Variants in CSNK2A1 observed in about 807,000 individuals in gnomAD.
CSNK2A1 encodes casein kinase II subunit alpha.
A neutral mutation model predicts 62.9 loss-of-function variants in CSNK2A1; 10 were observed. The observed-to-expected ratio is 0.16, with a 90% CI of 0.10 to 0.27. CSNK2A1 has a LOEUF of 0.27. CSNK2A1 is among the 10% of genes least tolerant of loss of function. The pLI is 1.00. For missense variants in CSNK2A1, 160 were observed against 492.0 expected (o/e 0.33, Z 6.38); for synonymous variants, 124 against 167.8 (o/e 0.74, Z 2.02).
intron 13 of CSNK2A1, among the ~76,000 whole-genome samples, 193 bp downstream of exon 13, chr20:486,183 C>T (rs1301601334): frequency 6.6e-6 from 1 of 152,006 alleles, no homozygotes; most frequent in African/African-American, 2.4e-5. Context: ...AGATTCTAGC[C>T]TAGAAGGGGA....
intron 4 of CSNK2A1, chr20:503,701 C>T: frequency 2.5e-6 from 1 of 398,536 alleles, no homozygotes; most frequent in South Asian, 1.3e-4. Flanking sequence ...AAGTACTGCA[C>T]AAAAATCAAT....
At chr20:523,815 C>T (rs377115928) in intron 2 of CSNK2A1, among the ~76,000 whole-genome samples, 42 of 142,960 alleles carry the variant, frequency 2.9e-4, no homozygotes, top group East Asian at 6.2e-4. Context: ...GCTGAGATCA[C>T]GCCAATGCAC....
chr20:503,636 C>G, intron 4 of CSNK2A1: 1 of 398,480 alleles, frequency 2.5e-6, no homozygotes, highest in Non-Finnish European at 4.4e-6. Flanking sequence ...TTATACTCCT[C>G]GCGATGGCAT....
intron 1 of CSNK2A1, 46 bp downstream of exon 1, chr20:543,626 G>A: frequency 2.5e-6 from 1 of 397,576 alleles, no homozygotes; most frequent in Non-Finnish European, 4.4e-6. Flanking sequence ...CCTATCCTGG[G>A]CCCACCCCAC....
chr20:529,764 G>A (rs187735602), intron 1 of CSNK2A1, among the ~76,000 whole-genome samples: 44 of 152,254 alleles, frequency 2.9e-4, no homozygotes, highest in African/African-American at 1.0e-3. Context: ...AGTTATGACC[G>A]CAGTATGTGA....
At chr20:529,336 T>C (rs1006918457) in intron 1 of CSNK2A1, among the ~76,000 whole-genome samples, 1 of 152,154 alleles carries the variant, frequency 6.6e-6, no homozygotes, top group Non-Finnish European at 1.5e-5. Flanking sequence ...ATGTTTTAAA[T>C]TGTACATGGT....
In CSNK2A1 at chr20:534,140, T is replaced by G. The variant is rs185547333; in HGVS notation, c.-226-6091A>C. Among the ~76,000 whole-genome samples, 4 of 152,376 alleles carry G rather than the reference T, an allele frequency of 2.6e-5. No individual in the cohort carries two copies. The East Asian group carries it at 7.7e-4, about 29-fold the overall frequency. On this transcript the variant is annotated intron_variant, in intron 1 of 13. Coordinates refer to ENST00000217244, the MANE Select transcript of CSNK2A1 (RefSeq NM_177559.3). ...CAGTATCAGATGCATATTCTGATTT[T>G]AGAAATAAACAGATTCAGAGGTTAA...
chr20:508,711 T>C (rs774696622), intron 2 of CSNK2A1, 51 bp from the exon 3 acceptor site: 2 of 627,478 alleles, frequency 3.2e-6, no homozygotes. Flanking sequence ...AGAAGGTATA[T>C]GGGAAGGAAA....
Position 479,053 on chromosome 20 carries a change from T to C in CSNK2A1, c.*4908A>G, listed in dbSNP as rs999358277. 1.3e-5 allele frequency: 2 copies of C among 152,352 alleles called. No homozygotes were observed. The highest frequency in any genetic ancestry group is 4.8e-5 in the African/African-American group (2 of 41,454). 9.4% of individuals were successfully genotyped at this position (152,352 alleles called of 1,614,324 possible). A position where few individuals can be genotyped will look rare whatever the true frequency, so the allele number is the denominator to read the frequency against. On this transcript the variant is annotated 3_prime_UTR_variant, in exon 14 of 14. Coordinates refer to ENST00000217244, the MANE Select transcript of CSNK2A1 (RefSeq NM_177559.3). ...GAGTGGGAACAAGGCAATGCTGGCCTTCATTCAATCAGAAACTTGACTTGT... is the reference window on the plus strand; with the variant it reads ...GAGTGGGAACAAGGCAATGCTGGCCCTCATTCAATCAGAAACTTGACTTGT...
At chr20:490,837 C>T (rs762958165) in intron 9 of CSNK2A1, among the ~76,000 whole-genome samples, 16 of 147,428 alleles carry the variant, frequency 1.1e-4, no homozygotes, top group Non-Finnish European at 2.1e-4. Context: ...TACAGGCATA[C>T]ACCACTATGC....
intron 10 of CSNK2A1, 133 bp downstream of exon 10, chr20:489,647 G>T: frequency 1.7e-6 from 1 of 590,916 alleles, no homozygotes. Context: ...AGGCTAAGCT[G>T]GTAGCTCCCG....
intron 7 of CSNK2A1, among the ~76,000 whole-genome samples, chr20:497,462 T>C (rs2018368561): frequency 4.6e-5 from 7 of 151,924 alleles, no homozygotes; most frequent in Admixed American, 4.6e-4. Context: ...TAAACAATTT[T>C]TTTTTGTAGA....
At chr20:495,899 A>C (rs1482654586) in intron 7 of CSNK2A1, 97 bp from the exon 8 acceptor site, 11 of 939,002 alleles carry the variant, frequency 1.2e-5, no homozygotes, top group Non-Finnish European at 1.9e-5. Context: ...GCCTCACAAT[A>C]CCCCTGGGAT....
intron 4 of CSNK2A1, chr20:504,057 T>C (rs886304617): frequency 6.5e-6 from 1 of 153,528 alleles, no homozygotes; most frequent in Admixed American, 6.5e-5. Context: ...CGTGCATCTG[T>C]AGTCCCAGCT....
chr20:524,086 A>G (rs2019012776), intron 2 of CSNK2A1, among the ~76,000 whole-genome samples: 1 of 151,726 alleles, frequency 6.6e-6, no homozygotes, highest in Non-Finnish European at 1.5e-5. Flanking sequence ...ATTTAAAAAA[A>G]AATTTAAAAA....
At chr20:498,667 G>A (rs944277819) in intron 6 of CSNK2A1, 1 of 152,152 alleles carries the variant, frequency 6.6e-6, no homozygotes, top group Non-Finnish European at 1.5e-5. Context: ...CTGGTGGAAA[G>A]GCAAATCGAA....
intron 6 of CSNK2A1, chr20:498,747 G>C (rs1261876032): frequency 6.6e-6 from 1 of 152,112 alleles, no homozygotes; most frequent in East Asian, 1.9e-4. Flanking sequence ...AAATAAGTAG[G>C]CCACTGGATA....
At chr20:542,317 G>A (rs1285910056) in intron 1 of CSNK2A1, among the ~76,000 whole-genome samples, 1 of 152,206 alleles carries the variant, frequency 6.6e-6, no homozygotes, top group Non-Finnish European at 1.5e-5. Flanking sequence ...ACACAGCTAA[G>A]TAGCAATGGC....
Position 472,736 on chromosome 20 carries a change from C to T in CSNK2A1, c.*11225G>A, listed in dbSNP as rs549183962. On this transcript the variant is annotated 3_prime_UTR_variant, in exon 14 of 14. Transcript: ENST00000217244. Reference sequence around the variant, plus strand: ...ATAAACAAATTTATCTAGGTAAGTTCCTATACAACTCCCCTGTTATCTGCC... The same window carrying T: ...ATAAACAAATTTATCTAGGTAAGTTTCTATACAACTCCCCTGTTATCTGCC... The T allele has an allele frequency of 1.3e-5, 2 of 152,230 alleles. No homozygotes were observed. The highest frequency in any genetic ancestry group is 4.8e-5 in the African/African-American group (2 of 41,462). 9.4% of individuals were successfully genotyped at this position (152,230 alleles called of 1,614,324 possible). A position where few individuals can be genotyped will look rare whatever the true frequency, so the allele number is the denominator to read the frequency against.
Sources: allele counts gnomAD v4.1 joint callset (sites outside exome capture counted in the v4.1 genomes callset), GRCh38; gene constraint gnomAD v4.1.1; transcripts MANE v1.5; gene names NCBI Gene and HGNC (gene_info 2026-07-23, HGNC 2026-07-21).